PDE7B: variants seen among roughly 807,000 people sequenced by gnomAD.
PDE7B encodes 3',5'-cyclic-AMP phosphodiesterase 7B.
In PDE7B, 29 loss-of-function variants were observed where a neutral mutation model predicts 56.2. The ratio of observed to expected loss-of-function variants is 0.52; its 90% confidence interval spans 0.38 to 0.70. The LOEUF is 0.70. PDE7B is among the 30% of genes least tolerant of loss of function. The pLI is 0.00. For synonymous variants in PDE7B, 197 were observed against 196.9 expected (o/e 1.00, Z 0.00); for missense variants, 490 against 565.0 (o/e 0.87, Z 1.35).
At chr6:135,983,374 C>T (rs762056949) in intron 2 of PDE7B, among the ~76,000 whole-genome samples, 6 of 152,110 alleles carry the variant, frequency 3.9e-5, no homozygotes, top group South Asian at 2.1e-4. Flanking sequence ...TGAAATTAAT[C>T]GTCTACATTC....
intron 2 of PDE7B, among the ~76,000 whole-genome samples, chr6:136,103,151 G>A (rs1320597384): frequency 6.6e-6 from 1 of 152,160 alleles, no homozygotes; most frequent in Admixed American, 6.5e-5. Flanking sequence ...ACAATGGACA[G>A]GAAGCCTCCT....
At chr6:136,087,936 A>AT (rs1777320054) in intron 2 of PDE7B, among the ~76,000 whole-genome samples, 1 of 152,182 alleles carries the variant, frequency 6.6e-6, no homozygotes, top group Non-Finnish European at 1.5e-5. Flanking sequence ...TAAGCAAAAA[A>AT]ATATATATTA....
chr6:136,044,637 G>A (rs1776470971), intron 2 of PDE7B: 1 of 152,166 alleles, frequency 6.6e-6, no homozygotes, highest in African/African-American at 2.4e-5. Flanking sequence ...TAGAGAACTT[G>A]TAATCTACTG....
intron 2 of PDE7B, among the ~76,000 whole-genome samples, chr6:135,957,066 TGGA>T (rs1474228988): frequency 6.6e-6 from 1 of 151,820 alleles, no homozygotes; most frequent in Non-Finnish European, 1.5e-5. Context: ...TGAAGAGAAA[TGGA>T]GTAGTTGTGA....
chr6:136,049,824 C>T (rs1434519372), intron 2 of PDE7B, among the ~76,000 whole-genome samples: 1 of 152,118 alleles, frequency 6.6e-6, no homozygotes, highest in East Asian at 1.9e-4. Flanking sequence ...TGCATATGGA[C>T]AAGAAATCTT....
chr6:136,076,116 C>T (rs1227952327), intron 2 of PDE7B, among the ~76,000 whole-genome samples: 1 of 152,160 alleles, frequency 6.6e-6, no homozygotes, highest in Non-Finnish European at 1.5e-5. Context: ...TGTATAGTGA[C>T]TGAGTTATAT....
intron 2 of PDE7B, among the ~76,000 whole-genome samples, chr6:136,046,991 A>G (rs1193643838): frequency 6.6e-6 from 1 of 152,218 alleles, no homozygotes; most frequent in Non-Finnish European, 1.5e-5. Flanking sequence ...AGCAGAGGAT[A>G]TGCACAAGAG....
intron 3 of PDE7B, 30 bp downstream of exon 3, chr6:136,108,844 C>A (rs1033562673): frequency 3.9e-6 from 5 of 1,278,768 alleles, no homozygotes; most frequent in African/African-American, 2.9e-5. Context: ...TGGAAAGGAA[C>A]AAACGTTTTC....
At chr6:136,026,252 TA>T (rs1776148492) in intron 2 of PDE7B, among the ~76,000 whole-genome samples, 1 of 152,238 alleles carries the variant, frequency 6.6e-6, no homozygotes. Context: ...TTTAATTTTT[TA>T]AAATGTTCAT....
chr6:135,907,222 T>A (rs890110355), intron 1 of PDE7B, among the ~76,000 whole-genome samples: 1 of 152,162 alleles, frequency 6.6e-6, no homozygotes, highest in Non-Finnish European at 1.5e-5. Context: ...AGCCAACAAT[T>A]TAAGAAGACT....
chr6:136,036,465 T>A (rs1776327550), intron 2 of PDE7B, among the ~76,000 whole-genome samples: 1 of 152,198 alleles, frequency 6.6e-6, no homozygotes, highest in Non-Finnish European at 1.5e-5. Context: ...AGTATGCTTT[T>A]CCATCCAGAA....
At chr6:136,056,809 G>C (rs190783550) in intron 2 of PDE7B, among the ~76,000 whole-genome samples, 1 of 152,172 alleles carries the variant, frequency 6.6e-6, no homozygotes, top group Non-Finnish European at 1.5e-5. Context: ...TGGGATTACA[G>C]GCGTGAGCCA....
In PDE7B at chr6:136,177,521, A is replaced by G. The variant is rs1778997498; in HGVS notation, c.804-1476A>G. Among the ~76,000 whole-genome samples, 3 of 152,166 alleles carry G rather than the reference A, an allele frequency of 2.0e-5. No individual in the cohort carries two copies. In the South Asian group the frequency reaches 6.2e-4, roughly 32 times the overall value. ...TAGAAACTTCACAAAAGAAGTACAA[A>G]TGGCCAATAAAGACATGAAAATATG... On this transcript the variant is annotated intron_variant, in intron 9 of 12. Transcript: ENST00000308191.
intron 2 of PDE7B, among the ~76,000 whole-genome samples, chr6:135,965,092 T>G (rs11154836): frequency 0.4 from 61,261 of 152,120 alleles, 12,552 homozygotes; most frequent in Admixed American, 0.53. Flanking sequence ...AGTGAGCTGA[T>G]ATTTTGCAGT....
chr6:135,948,605 T>G (rs1020034412), intron 2 of PDE7B, among the ~76,000 whole-genome samples: 1 of 151,964 alleles, frequency 6.6e-6, no homozygotes, highest in African/African-American at 2.4e-5. Context: ...TTTTCTAGCC[T>G]TCTAATCTTT....
At chr6:135,982,499 A>G (rs1384419846) in intron 2 of PDE7B, among the ~76,000 whole-genome samples, 3 of 152,114 alleles carry the variant, frequency 2.0e-5, no homozygotes, top group Non-Finnish European at 2.9e-5. Context: ...CCCTTGTTCA[A>G]TCAGGAACTG....
chr6:136,142,423 T>C (rs541130500), intron 3 of PDE7B, among the ~76,000 whole-genome samples: 36 of 152,334 alleles, frequency 2.4e-4, no homozygotes, highest in African/African-American at 8.2e-4. Context: ...GAGAAGAATG[T>C]ATATTCTGTT....
intron 9 of PDE7B, among the ~76,000 whole-genome samples, chr6:136,175,367 G>A (rs1778960839): frequency 6.6e-6 from 1 of 152,072 alleles, no homozygotes; most frequent in Admixed American, 6.6e-5. Flanking sequence ...AGAAAGTAAG[G>A]AAAATTCAGG....
chr6:135,887,283 T>G (rs1775726773), intron 1 of PDE7B, among the ~76,000 whole-genome samples: 1 of 152,132 alleles, frequency 6.6e-6, no homozygotes, highest in African/African-American at 2.4e-5. Flanking sequence ...GAATCCATAG[T>G]TAATATTTGC....
Sources: gnomAD v4.1 joint callset for allele counts (sites outside exome capture counted in the v4.1 genomes callset) on GRCh38, gnomAD v4.1.1 for gene constraint, MANE v1.5 for transcripts, NCBI Gene and HGNC (gene_info 2026-07-23, HGNC 2026-07-21) for gene names.